The following CELSR3 variants were observed in gnomAD, a reference collection of about 807,000 sequenced individuals.
CELSR3 encodes EGF-like protein 1.
A neutral mutation model predicts 270.0 loss-of-function variants in CELSR3; 73 were observed. That is an observed-to-expected ratio of 0.27 (90% CI 0.22 to 0.33). The LOEUF is 0.33. CELSR3 is among the 10% of genes least tolerant of loss of function. The probability of loss-of-function intolerance (pLI) is 1.00; values close to 1 mark genes in which losing one functional copy is unlikely to be tolerated. For missense variants in CELSR3, 3,614 were observed against 4,533.8 expected (o/e 0.80, Z 5.83); for synonymous variants, 1,780 against 1,905.4 (o/e 0.93, Z 1.71).
chr3:48,651,968 A>G lies in CELSR3; in HGVS notation c.5832T>C (p.Cys1944=), dbSNP rs2047141222. 1.9e-6 allele frequency: 3 copies of G among 1,605,832 alleles called. No individual in the cohort carries two copies. The highest frequency in any genetic ancestry group is 2.5e-6 in the Non-Finnish European group (3 of 1,177,236). ...PSHRVNAEPG[C]VVTNACASGP... is the part of the protein sequence containing the mutation. Reference sequence around the variant, plus strand: ...CAGAGGCACAGGCGTTGGTCACAACACAGCCAGGCTCCGCATTCACTCGGT... The same window carrying G: ...CAGAGGCACAGGCGTTGGTCACAACGCAGCCAGGCTCCGCATTCACTCGGT... The change falls in exon 12 of 35, where the codon TGT becomes TGC. Residue 1944 remains cysteine (C), a synonymous_variant. Transcript: ENST00000164024. This position sits in a 1 kb window ranked among gnomAD's most constrained non-coding sequence, Gnocchi z 7.4.
chr3:48,661,211 G>A lies in CELSR3; in HGVS notation c.1424C>T (p.Pro475Leu), dbSNP rs199931654. 4.2e-4 allele frequency: 666 copies of A among 1,601,528 alleles called. 1 individual carries two copies. Among genetic ancestry groups the A allele is most frequent in the Non-Finnish European group, 4.9e-4 (579 of 1,173,516 alleles). The change falls in exon 1 of 35, where the codon CCG becomes CTG. Residue 475 changes from proline (P) to leucine (L), a missense_variant. Physicochemically the swap from Pro to Leu is moderately conservative, Grantham distance 98 (BLOSUM62 -3). This residue lies in a region of CELSR3 where 354 missense variants were observed against 500.9 expected (regional missense o/e 0.71). Coordinates refer to ENST00000164024, the MANE Select transcript of CELSR3 (RefSeq NM_001407.3). ...GGCAGCTGCAGCGCGCGCAGCTGGC[G>A]GCCCCACGAAGCGGTAGCGCAGGTT... ...NANLRYRFVG[P>L]PAARAAAAAA...
rs1312331978 is a variant in CELSR3, at chr3:48,642,439, C to T, written c.8584G>A (p.Ala2862Thr). 6 of 1,613,068 alleles carry T rather than the reference C, an allele frequency of 3.7e-6. No individual in the cohort carries two copies. The Admixed American group carries it at 8.3e-5, about 22-fold the overall frequency. The change falls in exon 31 of 35, where the codon GCC becomes ACC. Residue 2862 changes from alanine to threonine, a missense_variant. By Grantham distance (58) the Ala-to-Thr change is moderately conservative (BLOSUM62 0). Transcript: ENST00000164024. The surrounding 1 kb of genome is among the most constrained non-coding windows in gnomAD (Gnocchi z 6.1). ...RDNVLVRHGS[A>T]ADHTDHSLQA... ...AGGCTGTGGTCAGTGTGGTCAGCGGCTGAGCCATGTCGAACCAGGACATTG... is the reference window on the plus strand; with the variant it reads ...AGGCTGTGGTCAGTGTGGTCAGCGGTTGAGCCATGTCGAACCAGGACATTG...
At chr3:48,648,663 G>A (rs2047110073) in intron 18 of CELSR3, 56 bp downstream of exon 18, 2 of 1,565,426 alleles carry the variant, frequency 1.3e-6, no homozygotes, top group African/African-American at 2.7e-5. Context: ...GGATCCAGGG[G>A]CAGGAGGCTG....
At chr3:48,656,105 G>T in intron 3 of CELSR3, 35 bp downstream of exon 3, 11 of 1,521,046 alleles carry the variant, frequency 7.2e-6, no homozygotes, top group Non-Finnish European at 9.7e-6. Flanking sequence ...GGTGGGGGCG[G>T]CGGGGAGGCG....
Position 48,645,018 on chromosome 3 carries a change from G to A in CELSR3, c.7972+17C>T, listed in dbSNP as rs1269997565. On this transcript the variant is annotated intron_variant, in intron 25 of 34. Coordinates refer to ENST00000164024, the MANE Select transcript of CELSR3 (RefSeq NM_001407.3). This position sits in a 1 kb window ranked among gnomAD's most constrained non-coding sequence, Gnocchi z 5.4. ...CAGGCCATGTGATGGTTGGAGGTTG[G>A]GGGTCACAGCCCTCACCCAGCAGCA... 6.4e-6 allele frequency: 10 copies of A among 1,564,806 alleles called. No homozygotes were observed. The highest frequency in any genetic ancestry group is 4.0e-5 in the African/African-American group (3 of 74,160).
In CELSR3 at chr3:48,660,477, C is replaced by T. The variant is rs1482791231; in HGVS notation, c.2158G>A (p.Glu720Lys). The part of the protein sequence containing the change: ...VSGPLDRESV[E>K]HYFFGVEARD... ...GCCTCCACACCAAAGAAGTAATGCT[C>T]CACAGACTCACGGTCCAGGGGACCA... The change falls in exon 1 of 35, where the codon GAG (glutamate) becomes AAG (lysine). Residue 720 changes from glutamate (E) to lysine (K), a missense_variant. Physicochemically the swap from Glu to Lys is moderately conservative, Grantham distance 56. This residue lies in a region of CELSR3 where 215 missense variants were observed against 241.2 expected (regional missense o/e 0.89). Coordinates refer to ENST00000164024, the MANE Select transcript of CELSR3 (RefSeq NM_001407.3). The surrounding 1 kb of genome is among the most constrained non-coding windows in gnomAD (Gnocchi z 5.5). 1.9e-6 allele frequency: 3 copies of T among 1,614,152 alleles called. No individual in the cohort carries two copies. Among genetic ancestry groups the T allele is most frequent in the Middle Eastern group, 1.6e-4 (1 of 6,062 alleles).
chr3:48,648,146 C>T (rs928034052), intron 19 of CELSR3, 120 bp downstream of exon 19: 16 of 1,412,828 alleles, frequency 1.1e-5, no homozygotes, highest in African/African-American at 8.5e-5. Context: ...ACGCTGAGGG[C>T]GGTGGCTGAG....
In CELSR3 at chr3:48,653,520, G is replaced by A; in HGVS notation, c.5448+99C>T. On this transcript the variant is annotated intron_variant, in intron 9 of 34. Coordinates refer to ENST00000164024, the MANE Select transcript of CELSR3 (RefSeq NM_001407.3). This position sits in a 1 kb window ranked among gnomAD's most constrained non-coding sequence, Gnocchi z 6.5. ...TCAAGTGTGGTTGGGACACCTGGCA[G>A]AAAAGTATGCTGTGTGACCAACCTG... is the stretch of plus-strand genomic sequence containing the variant. 1 of 1,437,234 alleles carries A rather than the reference G, an allele frequency of 7.0e-7. No individual in the cohort carries two copies. The highest frequency in any genetic ancestry group is 9.6e-7 in the Non-Finnish European group (1 of 1,045,880). 89.0% of individuals were successfully genotyped at this position (1,437,234 alleles called of 1,614,324 possible).
In CELSR3 at chr3:48,651,686, G is replaced by A. The variant is rs1295225512; in HGVS notation, c.5956C>T (p.Leu1986Phe). The A allele has an allele frequency of 1.9e-6, 3 of 1,571,724 alleles. No individual in the cohort carries two copies. Among genetic ancestry groups the A allele is most frequent in the South Asian group, 1.2e-5 (1 of 84,318 alleles). ...CCCTGGTTCTGACAGGGGTTCAGGA[G>A]GCAGGCATCCACACAGCCTGGGCCG... ...YYGPGCVDAC[L>F]LNPCQNQGSC... is the part of the protein sequence containing the mutation. The change falls in exon 13 of 35, where the codon CTC (leucine) becomes TTC (phenylalanine). Residue 1986 changes from leucine (L) to phenylalanine (F), a missense_variant. Coordinates refer to ENST00000164024, the MANE Select transcript of CELSR3 (RefSeq NM_001407.3). This position sits in a 1 kb window ranked among gnomAD's most constrained non-coding sequence, Gnocchi z 7.4.
chr3:48,650,213 G>A lies in CELSR3; in HGVS notation c.6472+267C>T, dbSNP rs2047124539. The A allele has an allele frequency of 3.4e-6, 2 of 588,468 alleles. No individual in the cohort carries two copies. The highest frequency in any genetic ancestry group is 3.0e-5 in the South Asian group (2 of 65,758). 36.5% of individuals were successfully genotyped at this position (588,468 alleles called of 1,614,324 possible). On this transcript the variant is annotated intron_variant, in intron 16 of 34. Coordinates refer to ENST00000164024, the MANE Select transcript of CELSR3 (RefSeq NM_001407.3). This position sits in a 1 kb window ranked among gnomAD's most constrained non-coding sequence, Gnocchi z 5.1. ...TGCAGGGACCTCAGGCAGCAGGAGGGGTCTGCAAAAGCTCTGGTAGTGGGA... is the reference window on the plus strand; with the variant it reads ...TGCAGGGACCTCAGGCAGCAGGAGGAGTCTGCAAAAGCTCTGGTAGTGGGA...
rs1307701692 is a variant in CELSR3 at position 48,640,226 on chromosome 3, G to A, written c.9359C>T (p.Thr3120Ile). Residue 3120 changes from threonine to isoleucine, a missense_variant, in exon 34 of 35, where the codon ACC becomes ATC. Coordinates refer to ENST00000164024, the MANE Select transcript of CELSR3 (RefSeq NM_001407.3). The surrounding 1 kb of genome is among the most constrained non-coding windows in gnomAD (Gnocchi z 7.5). ...CCGAGGTGGCTGCCTCCGTGGCAGG[G>A]TGCTGCCCCGATCTTTGGGCTCCAG... ...GRLEPKDRGSTLPRRQPPRDY... is the reference protein window; with the variant it reads ...GRLEPKDRGSILPRRQPPRDY... 1 of 1,612,536 alleles carries A rather than the reference G, an allele frequency of 6.2e-7. No homozygotes were observed. Among genetic ancestry groups the A allele is most frequent in the African/African-American group, 1.3e-5 (1 of 74,924 alleles).
At position 48,644,805 on chromosome 3, in the gene CELSR3, C is replaced by G. The variant is rs2047063901; in HGVS notation, c.7996G>C (p.Glu2666Gln). The G allele has an allele frequency of 1.2e-6, 2 of 1,613,428 alleles. No homozygotes were observed. The highest frequency in any genetic ancestry group is 1.7e-5 in the Admixed American group (1 of 60,012). ...LLGLAVGLDPEGYGNPDFCWI... is the reference protein window; with the variant it reads ...LLGLAVGLDPQGYGNPDFCWI... ...CAGAAGTCAGGGTTCCCATAGCCCT[C>G]AGGGTCCAGGCCCACAGCAAGGCCT... Residue 2666 changes from glutamate to glutamine, a missense_variant, in exon 26 of 35, where the codon GAG becomes CAG. Around this residue, in one of 7 missense-constraint regions of CELSR3, gnomAD observed 1,240 missense variants for 1,351.7 expected, o/e 0.92. Coordinates refer to ENST00000164024, the MANE Select transcript of CELSR3 (RefSeq NM_001407.3). The surrounding 1 kb of genome is among the most constrained non-coding windows in gnomAD (Gnocchi z 4.8).
In CELSR3 at chr3:48,655,981, G is replaced by A. The variant is rs1380823172; in HGVS notation, c.4626-130C>T. The A allele has an allele frequency of 7.3e-6, 8 of 1,103,414 alleles. No homozygotes were observed. The highest frequency in any genetic ancestry group is 6.2e-5 in the African/African-American group (4 of 64,694). The allele number at this position is 1,103,414 out of a possible 1,614,324, so 68.4% of individuals were successfully genotyped here. A position where few individuals can be genotyped will look rare whatever the true frequency, so the allele number is the denominator to read the frequency against. On this transcript the variant is annotated intron_variant, in intron 3 of 34. Coordinates refer to ENST00000164024, the MANE Select transcript of CELSR3 (RefSeq NM_001407.3). The surrounding 1 kb of genome is among the most constrained non-coding windows in gnomAD (Gnocchi z 5.8). ...GCGACGAGGGACGGCGGGACCGACC[G>A]GGGGGACGCGGGTGCAGCGAGGTCA...
rs772019235 is a variant in CELSR3, at chr3:48,652,958, G to T, written c.5634+44C>A. On this transcript the variant is annotated intron_variant, in intron 10 of 34. Coordinates refer to ENST00000164024, the MANE Select transcript of CELSR3 (RefSeq NM_001407.3). The surrounding 1 kb of genome is among the most constrained non-coding windows in gnomAD (Gnocchi z 4.3). The stretch of plus-strand genomic sequence containing the variant: ...GGTGGGGTCAAATAAGGCGGATCTG[G>T]TTGGAAGGCTGAGAACAGACTACCC... The T allele has an allele frequency of 1.9e-6, 3 of 1,557,694 alleles. No homozygotes were observed. The highest frequency in any genetic ancestry group is 2.6e-6 in the Non-Finnish European group (3 of 1,133,946).
At position 48,654,995 on chromosome 3, in the gene CELSR3, T is replaced by G; in HGVS notation, c.4988+49A>C. ...AGGAATGGGATGTGAAGGGTTGGAGTGGGCTTTGGTAGGCAGGGGACAAGG... is the reference window on the plus strand; with the variant it reads ...AGGAATGGGATGTGAAGGGTTGGAGGGGGCTTTGGTAGGCAGGGGACAAGG... On this transcript the variant is annotated intron_variant, in intron 6 of 34. Transcript: ENST00000164024. The surrounding 1 kb of genome is among the most constrained non-coding windows in gnomAD (Gnocchi z 5.4). 1.3e-6 allele frequency: 2 copies of G among 1,567,006 alleles called. No homozygotes were observed. Among genetic ancestry groups the G allele is most frequent in the South Asian group, 2.2e-5 (2 of 89,904 alleles).
Position 48,655,620 on chromosome 3 carries a change from G to T in CELSR3, c.4741+116C>A. The T allele has an allele frequency of 3.1e-6, 3 of 977,512 alleles. No individual in the cohort carries two copies. Among genetic ancestry groups the T allele is most frequent in the Non-Finnish European group, 4.9e-6 (3 of 616,288 alleles). 60.6% of individuals were successfully genotyped at this position (977,512 alleles called of 1,614,324 possible). On this transcript the variant is annotated intron_variant, in intron 4 of 34. Transcript: ENST00000164024. The surrounding 1 kb of genome is among the most constrained non-coding windows in gnomAD (Gnocchi z 5.8). ...ATGGCCAAGGAGCTAGGTCTTCAGG[G>T]CTTGCATGGCGTGGAGTGTGTGCTC... is the stretch of plus-strand genomic sequence containing the variant.
rs199856309 is a variant in CELSR3, at chr3:48,640,415, C to T, written c.9170G>A (p.Gly3057Asp). 185 of 1,612,434 alleles carry T rather than the reference C, an allele frequency of 1.1e-4. No homozygotes were observed. Among genetic ancestry groups the T allele is most frequent in the Non-Finnish European group, 1.4e-4 (168 of 1,179,918 alleles). ...YGRIYAGGGTGSLSQPASRYS... is the reference protein window; with the variant it reads ...YGRIYAGGGTDSLSQPASRYS... ...GCGGCTGGCTGGCTGTGAAAGGCTG[C>T]CCGTGCCCCCGCCAGCATAGATGCG... The change falls in exon 34 of 35, where the codon GGC becomes GAC. Residue 3057 changes from glycine (G) to aspartate (D), a missense_variant. By Grantham distance (94) the Gly-to-Asp change is moderately conservative (BLOSUM62 -1). This residue lies in a region of CELSR3 where 1,240 missense variants were observed against 1,351.7 expected (regional missense o/e 0.92). Transcript: ENST00000164024. This position sits in a 1 kb window ranked among gnomAD's most constrained non-coding sequence, Gnocchi z 7.5.
chr3:48,642,844 C>G lies in CELSR3; in HGVS notation c.8447G>C (p.Ser2816Thr), dbSNP rs1458477592. ...GCCCAGAGTGATGCGGATGAGGCCACTCTCCTCAAAGAGAGCCGTGTTGTT... is the reference window on the plus strand; with the variant it reads ...GCCCAGAGTGATGCGGATGAGGCCAGTCTCCTCAAAGAGAGCCGTGTTGTT... ...AYNNTALFEE[S>T]GLIRITLGAS... The change falls in exon 30 of 35, where the codon AGT becomes ACT. Residue 2816 changes from serine (S) to threonine (T), a missense_variant. By Grantham distance (58) the Ser-to-Thr change is moderately conservative. This residue lies in a region of CELSR3 where 1,240 missense variants were observed against 1,351.7 expected (regional missense o/e 0.92). Coordinates refer to ENST00000164024, the MANE Select transcript of CELSR3 (RefSeq NM_001407.3). The surrounding 1 kb of genome is among the most constrained non-coding windows in gnomAD (Gnocchi z 6.1). 6.2e-7 allele frequency: 1 copy of G among 1,613,078 alleles called. No homozygotes were observed. Among genetic ancestry groups the G allele is most frequent in the Non-Finnish European group, 8.5e-7 (1 of 1,179,952 alleles).
In CELSR3 at chr3:48,655,398, G is replaced by C. The variant is rs751501340; in HGVS notation, c.4742-4C>G. On this transcript the variant is annotated splice_polypyrimidine_tract_variant and splice_region_variant and intron_variant, in intron 4 of 34. Transcript: ENST00000164024. This position sits in a 1 kb window ranked among gnomAD's most constrained non-coding sequence, Gnocchi z 5.8. ...CTGACCACGGTGTTGGATTCACCTGGAGGGGAGATGCATGTGGAATCATCA... is the reference window on the plus strand; with the variant it reads ...CTGACCACGGTGTTGGATTCACCTGCAGGGGAGATGCATGTGGAATCATCA... The C allele has an allele frequency of 1.2e-6, 2 of 1,614,020 alleles. No individual in the cohort carries two copies. The highest frequency in any genetic ancestry group is 3.3e-5 in the Admixed American group (2 of 60,018).
Sources: gnomAD v4.1 joint callset for allele counts on GRCh38, gnomAD v4.1.1 for gene constraint, gnomAD v4.1.1 regional missense constraint, Gnocchi (gnomAD v3.1) non-coding constraint, MANE v1.5 for transcripts, NCBI Gene and HGNC (gene_info 2026-07-23, HGNC 2026-07-21) for gene names.